ELMO1: variants seen among roughly 807,000 people sequenced by gnomAD.
ELMO1 encodes the protein engulfment and cell motility protein 1.
Under a neutral mutation model 98.9 loss-of-function variants are expected in ELMO1, and 26 were observed. The observed-to-expected ratio is 0.26, with a 90% CI of 0.19 to 0.36. ELMO1 has a LOEUF of 0.36. ELMO1 is among the 10% of genes least tolerant of loss of function. The pLI is 1.00. For missense variants in ELMO1, 627 were observed against 935.2 expected (o/e 0.67, Z 4.30); for synonymous variants, 346 against 346.0 (o/e 1.00, Z 0.00).
At chr7:37,124,556 T>G (rs1362190575) in intron 14 of ELMO1, among the ~76,000 whole-genome samples, 1 of 152,034 alleles carries the variant, frequency 6.6e-6, no homozygotes, top group Non-Finnish European at 1.5e-5. Context: ...GAGAATAAAA[T>G]ACCTAAGAAT....
chr7:37,091,480 C>A (rs1784088830), intron 15 of ELMO1, among the ~76,000 whole-genome samples: 1 of 152,094 alleles, frequency 6.6e-6, no homozygotes, highest in Non-Finnish European at 1.5e-5. Context: ...TCTTTTTCCC[C>A]AGCTAGGAGC....
At chr7:37,397,326 T>G (rs1882077) in intron 1 of ELMO1, among the ~76,000 whole-genome samples, 1 of 152,064 alleles carries the variant, frequency 6.6e-6, no homozygotes, top group South Asian at 2.1e-4. Context: ...AAGAGAAATA[T>G]TTAGTTCTCA....
intron 1 of ELMO1, among the ~76,000 whole-genome samples, chr7:37,352,666 G>T (rs1410318664): frequency 1.3e-5 from 2 of 152,114 alleles, no homozygotes; most frequent in Admixed American, 6.5e-5. Context: ...AAAACTTTCC[G>T]TTAGTCCCAT....
intron 4 of ELMO1, among the ~76,000 whole-genome samples, chr7:37,307,158 G>T (rs1243528111): frequency 6.6e-6 from 1 of 152,162 alleles, no homozygotes; most frequent in Non-Finnish European, 1.5e-5. Flanking sequence ...CTAAAATTAG[G>T]TATGTCCAAA....
At chr7:37,319,352 A>T (rs1583537531) in intron 2 of ELMO1, among the ~76,000 whole-genome samples, 1 of 152,146 alleles carries the variant, frequency 6.6e-6, no homozygotes, top group Non-Finnish European at 1.5e-5. Context: ...CTCTTCAGAT[A>T]TAAGGTGCTA....
intron 14 of ELMO1, among the ~76,000 whole-genome samples, chr7:37,123,869 A>T (rs1036219641): frequency 1.3e-5 from 2 of 152,240 alleles, no homozygotes; most frequent in Non-Finnish European, 2.9e-5. Flanking sequence ...CTTGATGAAC[A>T]TTGATGCAAA....
rs921904865 is a variant in ELMO1 at position 36,953,115 on chromosome 7, G to A, written c.1438-58098C>T. Among the ~76,000 whole-genome samples, 4 of 151,788 alleles carry A rather than the reference G, an allele frequency of 2.6e-5. No homozygotes were observed. In the South Asian group the frequency reaches 8.4e-4, roughly 32 times the overall value. ...CGAGTAGCTGGGACTACAGGCACCC[G>A]CCACCACGCCCGGCTAATTTTTTTG... On this transcript the variant is annotated intron_variant, in intron 16 of 21. Coordinates refer to ENST00000310758, the MANE Select transcript of ELMO1 (RefSeq NM_014800.11).
intron 13 of ELMO1, among the ~76,000 whole-genome samples, chr7:37,144,008 G>T (rs1257517868): frequency 6.6e-6 from 1 of 152,018 alleles, no homozygotes; most frequent in Non-Finnish European, 1.5e-5. Context: ...ACCGCGACTG[G>T]CCTATCTTTT....
intron 1 of ELMO1, among the ~76,000 whole-genome samples, chr7:37,385,215 G>A (rs1257274027): frequency 6.6e-6 from 1 of 152,162 alleles, no homozygotes; most frequent in African/African-American, 2.4e-5. Context: ...CAGGTCATGT[G>A]GCTGCCCTAC....
At chr7:37,370,437 G>C (rs1490024441) in intron 1 of ELMO1, among the ~76,000 whole-genome samples, 1 of 152,000 alleles carries the variant, frequency 6.6e-6, no homozygotes, top group Admixed American at 6.6e-5. Flanking sequence ...TTTTTCTCTT[G>C]TTGATCTATA....
intron 1 of ELMO1, among the ~76,000 whole-genome samples, chr7:37,424,199 A>C (rs1324148146): frequency 1.3e-5 from 2 of 152,240 alleles, no homozygotes; most frequent in Non-Finnish European, 2.9e-5. Flanking sequence ...GGCAAAGTAG[A>C]AAAGCCATAT....
At position 36,918,013 on chromosome 7, in the gene ELMO1, AAAAC is replaced by A. The variant is rs912852472; in HGVS notation, c.1438-23000_1438-22997del. ...CAGAGATTTATCATTTATGTAAATT[AAAAC>A]AAACACACACAAAAATAATATATAA... On this transcript the variant is annotated intron_variant, in intron 16 of 21. Transcript: ENST00000310758. Among the ~76,000 whole-genome samples, 8 of 152,196 alleles carry A rather than the reference AAAAC, an allele frequency of 5.3e-5. No individual in the cohort carries two copies. The South Asian group carries it at 6.2e-4, about 12-fold the overall frequency.
At chr7:37,101,638 C>A (rs1422019797) in intron 14 of ELMO1, among the ~76,000 whole-genome samples, 1 of 151,980 alleles carries the variant, frequency 6.6e-6, no homozygotes, top group Non-Finnish European at 1.5e-5. Context: ...CTCTTAGGTA[C>A]CTTCCACCGA....
intron 1 of ELMO1, among the ~76,000 whole-genome samples, chr7:37,374,571 G>A (rs1180718166): frequency 1.3e-5 from 2 of 151,714 alleles, no homozygotes; most frequent in Non-Finnish European, 2.9e-5. Context: ...CTACTATGGC[G>A]AAATTCCATC....
At chr7:37,140,217 A>AG (rs1316422859) in intron 13 of ELMO1, among the ~76,000 whole-genome samples, 3 of 151,502 alleles carry the variant, frequency 2.0e-5, no homozygotes, top group African/African-American at 7.3e-5. Flanking sequence ...CTACTAAAAA[A>AG]AAAAAAAAAA....
At chr7:37,417,121 C>T (rs1804251515) in intron 1 of ELMO1, among the ~76,000 whole-genome samples, 1 of 152,146 alleles carries the variant, frequency 6.6e-6, no homozygotes, top group Non-Finnish European at 1.5e-5. Context: ...AACTGAGGCA[C>T]AGAAGTTTTG....
At chr7:37,162,469 C>G (rs1259239100) in intron 13 of ELMO1, among the ~76,000 whole-genome samples, 6 of 152,212 alleles carry the variant, frequency 3.9e-5, no homozygotes, top group Non-Finnish European at 8.8e-5. Context: ...CATGCACAGG[C>G]TCAGCAATCT....
At chr7:37,326,554 CAA>C (rs56148707) in intron 2 of ELMO1, among the ~76,000 whole-genome samples, 37,403 of 101,486 alleles carry the variant, frequency 0.37, 4,790 homozygotes, top group Middle Eastern at 0.47. Context: ...GACTCCATCT[CAA>C]AAAAAAAAAA....
intron 14 of ELMO1, among the ~76,000 whole-genome samples, chr7:37,131,696 G>A (rs557853472): frequency 9.6e-4 from 146 of 152,280 alleles, no homozygotes; most frequent in African/African-American, 3.4e-3. Context: ...TCGCATATAA[G>A]TCAAACCAAA....
Sources: gnomAD v4.1 joint callset for allele counts (sites outside exome capture counted in the v4.1 genomes callset) on GRCh38, gnomAD v4.1.1 for gene constraint, MANE v1.5 for transcripts, NCBI Gene and HGNC (gene_info 2026-07-23, HGNC 2026-07-21) for gene names.